Variants in ZNF423 observed in about 807,000 individuals in gnomAD.
The protein encoded by ZNF423 is zinc finger protein 423.
ZNF423 carries 12 observed loss-of-function variants against 95.8 expected under a neutral mutation model. That is an observed-to-expected ratio of 0.13 (90% CI 0.08 to 0.20). The LOEUF (loss-of-function observed/expected upper bound fraction) is 0.20. Ranked by LOEUF, ZNF423 falls within the 10% of genes least tolerant of loss-of-function variation. ZNF423 has a pLI of 1.00. For synonymous variants in ZNF423, 749 were observed against 711.9 expected (o/e 1.05, Z -0.83); for missense variants, 1,316 against 1,737.1 (o/e 0.76, Z 4.31).
chr16:49,638,996 G>C lies in ZNF423; in HGVS notation c.302-122C>G. The stretch of plus-strand genomic sequence containing the variant: ...GTGCAGCTGGCCAACGGCTGCAGGG[G>C]GCTGTGGGGAGGGGCAGGGGCCGGA... On this transcript the variant is annotated intron_variant, in intron 3 of 7. Transcript: ENST00000563137. This position sits in a 1 kb window ranked among gnomAD's most constrained non-coding sequence, Gnocchi z 5.6. 1.4e-6 allele frequency: 2 copies of C among 1,444,786 alleles called. No homozygotes were observed. The highest frequency in any genetic ancestry group is 1.8e-6 in the Non-Finnish European group (2 of 1,102,850). The allele number at this position is 1,444,786 out of a possible 1,614,324, so 89.5% of individuals were successfully genotyped here.
At chr16:49,653,395 T>C (rs957179293) in intron 3 of ZNF423, among the ~76,000 whole-genome samples, 5 of 150,584 alleles carry the variant, frequency 3.3e-5, no homozygotes, top group African/African-American at 1.2e-4. Flanking sequence ...AACAGCAAAA[T>C]TAAAAGTCTA....
chr16:49,653,728 G>A (rs1046350381), intron 3 of ZNF423, among the ~76,000 whole-genome samples: 3 of 152,202 alleles, frequency 2.0e-5, no homozygotes, highest in Non-Finnish European at 2.9e-5. Context: ...TGCCACTGTG[G>A]CATGCCAAAC....
At chr16:49,725,694 G>A (rs1428377567) in intron 3 of ZNF423, among the ~76,000 whole-genome samples, 1 of 152,222 alleles carries the variant, frequency 6.6e-6, no homozygotes, top group Non-Finnish European at 1.5e-5. Flanking sequence ...GTTCCAGGCA[G>A]AGTCCCATAG....
chr16:49,593,275 A>G (rs1971073730), intron 5 of ZNF423, among the ~76,000 whole-genome samples: 1 of 152,102 alleles, frequency 6.6e-6, no homozygotes, highest in African/African-American at 2.4e-5. Flanking sequence ...TCTACAAAAA[A>G]AATTTAAAAA....
chr16:49,744,799 T>C (rs906315087), intron 2 of ZNF423, among the ~76,000 whole-genome samples: 1 of 152,174 alleles, frequency 6.6e-6, no homozygotes, highest in Non-Finnish European at 1.5e-5. Context: ...CAGTGTGATC[T>C]ACATGCACAC....
chr16:49,559,783 G>T (rs1194367676), intron 5 of ZNF423, among the ~76,000 whole-genome samples: 2 of 152,144 alleles, frequency 1.3e-5, no homozygotes, highest in African/African-American at 4.8e-5. Context: ...GTATTTCATA[G>T]CAGGGTCCCA....
chr16:49,703,011 T>C (rs2032239755), intron 3 of ZNF423, among the ~76,000 whole-genome samples: 1 of 152,012 alleles, frequency 6.6e-6, no homozygotes, highest in African/African-American at 2.4e-5. Context: ...TAAAAGCAGA[T>C]GTAATTTGAT....
chr16:49,690,268 A>G (rs2031727553), intron 3 of ZNF423, among the ~76,000 whole-genome samples: 1 of 152,218 alleles, frequency 6.6e-6, no homozygotes, highest in South Asian at 2.1e-4. Context: ...TGAACACAGA[A>G]CTGTCAAGAT....
chr16:49,732,366 T>C (rs1247880547), intron 2 of ZNF423, among the ~76,000 whole-genome samples: 1 of 152,178 alleles, frequency 6.6e-6, no homozygotes, highest in Non-Finnish European at 1.5e-5. Context: ...TGTCAATGGA[T>C]AAAATTTGTG....
intron 3 of ZNF423, among the ~76,000 whole-genome samples, chr16:49,653,687 G>A (rs767791104): frequency 6.6e-5 from 10 of 152,148 alleles, no homozygotes; most frequent in Non-Finnish European, 1.3e-4. Context: ...TTGCAGGGAG[G>A]GAGATGGACA....
At chr16:49,509,660 C>T (rs2151677755) in intron 7 of ZNF423, among the ~76,000 whole-genome samples, 1 of 152,218 alleles carries the variant, frequency 6.6e-6, no homozygotes, top group East Asian at 1.9e-4. Context: ...GCTAAGACAT[C>T]CCCAGCCATG....
intron 5 of ZNF423, among the ~76,000 whole-genome samples, chr16:49,543,987 T>C (rs1398009365): frequency 1.3e-5 from 2 of 152,202 alleles, no homozygotes; most frequent in Non-Finnish European, 2.9e-5. Context: ...GCTGATAGAA[T>C]GCAACAACTG....
At chr16:49,844,898 G>A (rs1318848774) in intron 1 of ZNF423, among the ~76,000 whole-genome samples, 1 of 151,892 alleles carries the variant, frequency 6.6e-6, no homozygotes, top group Admixed American at 6.6e-5. Flanking sequence ...AGCCACGTGT[G>A]GTGGCACATG....
intron 4 of ZNF423, among the ~76,000 whole-genome samples, chr16:49,632,338 G>A (rs1281313540): frequency 6.6e-6 from 1 of 152,150 alleles, no homozygotes; most frequent in Non-Finnish European, 1.5e-5. Flanking sequence ...CCCAGAGTCT[G>A]TTCTTACATG....
At chr16:49,666,131 C>T (rs567018208) in intron 3 of ZNF423, among the ~76,000 whole-genome samples, 7 of 152,310 alleles carry the variant, frequency 4.6e-5, no homozygotes, top group African/African-American at 1.7e-4. Flanking sequence ...CCCCCCAGAT[C>T]CTGGCTGGCC....
intron 5 of ZNF423, among the ~76,000 whole-genome samples, chr16:49,595,008 T>C (rs1277198814): frequency 3.3e-5 from 5 of 152,324 alleles, no homozygotes; most frequent in South Asian, 2.1e-4. Context: ...TGGCATCCTC[T>C]TTCTTGTTTT....
intron 3 of ZNF423, among the ~76,000 whole-genome samples, chr16:49,696,486 C>G (rs928554600): frequency 6.6e-6 from 1 of 152,218 alleles, no homozygotes; most frequent in Non-Finnish European, 1.5e-5. Flanking sequence ...ACTCCATCAG[C>G]CCCGCTCTCA....
intron 3 of ZNF423, among the ~76,000 whole-genome samples, chr16:49,691,714 A>G (rs867148183): frequency 1.3e-4 from 20 of 151,794 alleles, no homozygotes; most frequent in South Asian, 6.3e-4. Context: ...CCTGGGCAAC[A>G]GAGCGAGACT....
At chr16:49,632,311 C>CAA (rs1040275151) in intron 4 of ZNF423, among the ~76,000 whole-genome samples, 38 of 152,310 alleles carry the variant, frequency 2.5e-4, no homozygotes, top group African/African-American at 9.1e-4. Flanking sequence ...TGCCAGCCCC[C>CAA]AAGCCCCTGT....
Sources: allele counts gnomAD v4.1 joint callset (sites outside exome capture counted in the v4.1 genomes callset), GRCh38; gene constraint gnomAD v4.1.1; non-coding constraint Gnocchi (gnomAD v3.1); transcripts MANE v1.5; gene names NCBI Gene and HGNC (gene_info 2026-07-23, HGNC 2026-07-21).